The following WNT10A variants were observed in gnomAD, a reference collection of about 807,000 sequenced individuals.
WNT10A encodes the protein protein Wnt-10a.
Under a neutral mutation model 36.1 loss-of-function variants are expected in WNT10A, and 37 were observed. The ratio of observed to expected loss-of-function variants is 1.02; its 90% CI spans 0.79 to 1.35. The LOEUF is 1.35. WNT10A is among the 40% of genes most tolerant of loss of function. The pLI is 0.00. For missense variants in WNT10A, 613 were observed against 601.4 expected (o/e 1.02, Z -0.20); for synonymous variants, 255 against 254.1 (o/e 1.00, Z -0.03).
chr2:218,882,454 C>A, intron 2 of WNT10A, 31 bp downstream of exon 2: 1 of 1,613,044 alleles, frequency 6.2e-7, no homozygotes, highest in Non-Finnish European at 8.5e-7. Flanking sequence ...CCCCTGCCTG[C>A]CCCATCCAGC....
rs1011303295 is a variant in WNT10A, at chr2:218,892,843, T to C, written c.826T>C (p.Cys276Arg). 4 of 1,590,966 alleles carry C rather than the reference T, an allele frequency of 2.5e-6. No individual in the cohort carries two copies. Among genetic ancestry groups the C allele is most frequent in the Non-Finnish European group, 2.6e-6 (3 of 1,170,458 alleles). ...GTCAGGCAGCTGCCAGCTCAAGACG[T>C]GCTGGCAGGTGACGCCCGAGTTCCG... Reference protein sequence around the residue: ...GTSGSCQLKTCWQVTPEFRTV... With the variant: ...GTSGSCQLKTRWQVTPEFRTV... The change falls in exon 4 of 4, where the codon TGC becomes CGC. Residue 276 changes from cysteine (C) to arginine (R), a missense_variant. Cys to Arg is a radical substitution (Grantham distance 180). Coordinates refer to ENST00000258411, the MANE Select transcript of WNT10A (RefSeq NM_025216.3).
At chr2:218,885,148 G>A (rs1354626311) in intron 2 of WNT10A, among the ~76,000 whole-genome samples, 1 of 152,202 alleles carries the variant, frequency 6.6e-6, no homozygotes, top group Non-Finnish European at 1.5e-5. Flanking sequence ...CAAGGAGAGG[G>A]GATGAGGGGG....
At chr2:218,885,705 C>A (rs919085323) in intron 2 of WNT10A, among the ~76,000 whole-genome samples, 1 of 152,224 alleles carries the variant, frequency 6.6e-6, no homozygotes, top group African/African-American at 2.4e-5. Context: ...CTCTCCACAG[C>A]CCCGGCCCAT....
At position 218,889,998 on chromosome 2, in the gene WNT10A, G is replaced by T. The variant is rs372993798; in HGVS notation, c.391G>T (p.Ala131Ser). 6 of 1,612,966 alleles carry T rather than the reference G, an allele frequency of 3.7e-6. No individual in the cohort carries two copies. Among genetic ancestry groups the T allele is most frequent in the Admixed American group, 1.7e-5 (1 of 60,036 alleles). Residue 131 changes from alanine to serine, a missense_variant, in exon 3 of 4, where the codon GCT (alanine) becomes TCT (serine). Physicochemically the swap from Ala to Ser is moderately conservative, Grantham distance 99. Transcript: ENST00000258411. ...TTTAACCACAGGTTTCCGAGAGAGCGCTTTTGCCTACGCCATCGCAGCAGC... is the reference window on the plus strand; with the variant it reads ...TTTAACCACAGGTTTCCGAGAGAGCTCTTTTGCCTACGCCATCGCAGCAGC... Reference protein sequence around the residue: ...PIFSRGFRESAFAYAIAAAGV... With the variant: ...PIFSRGFRESSFAYAIAAAGV...
upstream of WNT10A, chr2:218,880,791 C>T (rs1192434385): frequency 4.0e-6 from 2 of 505,418 alleles, no homozygotes; most frequent in Non-Finnish European, 6.8e-6. The surrounding 1 kb of genome is among the most constrained non-coding windows in gnomAD (Gnocchi z 7.7). Flanking sequence ...CTCTTCACCC[C>T]CCGCCCCCCC....
At chr2:218,874,798 AAC>A in the WNT10A span, among the ~76,000 whole-genome samples, 1 of 152,174 alleles carries the variant, frequency 6.6e-6, no homozygotes, top group African/African-American at 2.4e-5. Flanking sequence ...AGAACTTTAC[AAC>A]AGAGGCCAAA....
intron 2 of WNT10A, among the ~76,000 whole-genome samples, chr2:218,889,444 G>A (rs1944619354): frequency 4.6e-5 from 7 of 152,222 alleles, no homozygotes; most frequent in Admixed American, 4.6e-4. Flanking sequence ...ATACCCAGTA[G>A]TGGGATTACT....
chr2:218,887,249 T>A (rs920017051), intron 2 of WNT10A, among the ~76,000 whole-genome samples: 5 of 152,084 alleles, frequency 3.3e-5, no homozygotes, highest in Non-Finnish European at 7.4e-5. Flanking sequence ...TTGCATAATG[T>A]GTATGTGTTT....
chr2:218,882,108 G>C (rs1021165653), intron 1 of WNT10A, 53 bp from the exon 2 acceptor site: 1 of 1,585,140 alleles, frequency 6.3e-7, no homozygotes, highest in Non-Finnish European at 8.6e-7. Flanking sequence ...TGTTAGATGG[G>C]GCTCTCCTGG....
rs148714379 is a variant in WNT10A, at chr2:218,890,106, G to A, written c.499G>A (p.Glu167Lys). ...CTGTGATGCGTCCCGGCGAGGGGAC[G>A]AGGAGGCCTTCCGTAGGAAGCTGCA... ...CGCDASRRGD[E>K]EAFRRKLHRL... Residue 167 changes from glutamate (E) to lysine (K), a missense_variant, in exon 3 of 4, where the codon GAG (glutamate) becomes AAG (lysine). Transcript: ENST00000258411. 4.0e-5 allele frequency: 65 copies of A among 1,614,136 alleles called. No homozygotes were observed. The highest frequency in any genetic ancestry group is 5.2e-5 in the Non-Finnish European group (61 of 1,180,030).
upstream of WNT10A, among the ~76,000 whole-genome samples, chr2:218,879,838 T>C (rs2106009892): frequency 6.6e-6 from 1 of 152,278 alleles, no homozygotes; most frequent in Non-Finnish European, 1.5e-5. Context: ...AAATAAACTA[T>C]CTCAACGGCC....
At chr2:218,889,554 C>A (rs1270415311) in intron 2 of WNT10A, among the ~76,000 whole-genome samples, 1 of 152,230 alleles carries the variant, frequency 6.6e-6, no homozygotes, top group Non-Finnish European at 1.5e-5. Flanking sequence ...ACATCACTGG[C>A]AATGAATTCT....
intron 2 of WNT10A, among the ~76,000 whole-genome samples, chr2:218,888,823 C>A (rs1944612691): frequency 6.6e-6 from 1 of 152,228 alleles, no homozygotes; most frequent in Non-Finnish European, 1.5e-5. Flanking sequence ...TACTCTGCTG[C>A]CCACTGACAT....
intron 3 of WNT10A, among the ~76,000 whole-genome samples, chr2:218,892,303 C>CCACACACACACA (rs60385784): frequency 2.0e-5 from 2 of 100,948 alleles, no homozygotes; most frequent in African/African-American, 4.0e-5. Flanking sequence ...ACCCACCCCA[C>CCACACACACACA]CACACACACA....
At chr2:218,888,068 G>T (rs951418719) in intron 2 of WNT10A, among the ~76,000 whole-genome samples, 1 of 152,152 alleles carries the variant, frequency 6.6e-6, no homozygotes, top group African/African-American at 2.4e-5. Flanking sequence ...TTTGTTTGTT[G>T]GTTGTTTTTG....
rs1215666473 is a variant in WNT10A at position 218,893,174 on chromosome 2, A to G, written c.1157A>G (p.Gln386Arg). ...CCGRGHNILRQTRSERCHCRF... is the reference protein window; with the variant it reads ...CCGRGHNILRRTRSERCHCRF... ...GGCCGCGGCCACAACATCCTGCGCC[A>G]GACGCGCAGCGAGCGCTGCCACTGC... is the stretch of plus-strand genomic sequence containing the variant. Residue 386 changes from glutamine to arginine, a missense_variant, in exon 4 of 4, where the codon CAG (glutamine) becomes CGG (arginine). Coordinates refer to ENST00000258411, the MANE Select transcript of WNT10A (RefSeq NM_025216.3). The surrounding 1 kb of genome is among the most constrained non-coding windows in gnomAD (Gnocchi z 6.3). 2 of 1,584,316 alleles carry G rather than the reference A, an allele frequency of 1.3e-6. No individual in the cohort carries two copies. Among genetic ancestry groups the G allele is most frequent in the Non-Finnish European group, 1.7e-6 (2 of 1,172,020 alleles).
intron 2 of WNT10A, among the ~76,000 whole-genome samples, chr2:218,887,089 A>T (rs1181832946): frequency 1.3e-5 from 2 of 152,176 alleles, no homozygotes; most frequent in Admixed American, 6.5e-5. Context: ...AGTCGATAGG[A>T]ACTAGAAACT....
intron 2 of WNT10A, among the ~76,000 whole-genome samples, chr2:218,886,753 C>T (rs1022503302): frequency 7.2e-5 from 11 of 152,116 alleles, no homozygotes; most frequent in African/African-American, 1.7e-4. Context: ...GGGCCAGAAC[C>T]GAAACTGGGG....
Position 218,882,333 on chromosome 2 carries a change from T to C in WNT10A, c.286T>C (p.Cys96Arg). The C allele has an allele frequency of 1.2e-6, 2 of 1,614,114 alleles. No homozygotes were observed. The highest frequency in any genetic ancestry group is 1.7e-6 in the Non-Finnish European group (2 of 1,179,988). ...GGGCATCCAGATCGCCATCCACGAA[T>C]GCCAACACCAATTCAGGGACCAGCG... is the stretch of plus-strand genomic sequence containing the variant. ...IQGIQIAIHE[C>R]QHQFRDQRWN... is the part of the protein sequence containing the mutation. The change falls in exon 2 of 4, where the codon TGC becomes CGC. Residue 96 changes from cysteine (C) to arginine (R), a missense_variant. Physicochemically the swap from Cys to Arg is radical, Grantham distance 180 (BLOSUM62 -3). Coordinates refer to ENST00000258411, the MANE Select transcript of WNT10A (RefSeq NM_025216.3).
Sources: allele counts gnomAD v4.1 joint callset (sites outside exome capture counted in the v4.1 genomes callset), GRCh38; gene constraint gnomAD v4.1.1; non-coding constraint Gnocchi (gnomAD v3.1); transcripts MANE v1.5; gene names NCBI Gene and HGNC (gene_info 2026-07-23, HGNC 2026-07-21).